The following ITPR2 variants were observed in gnomAD, a reference collection of about 807,000 sequenced individuals.
ITPR2 encodes inositol 1,4,5-trisphosphate-gated calcium channel ITPR2.
Under a neutral mutation model 317.1 loss-of-function variants are expected in ITPR2, and 207 were observed. The observed-to-expected ratio is 0.65, with a 90% CI of 0.58 to 0.73. The LOEUF (loss-of-function observed/expected upper bound fraction) is 0.73. Ranked by LOEUF, ITPR2 falls within the 30% of genes least tolerant of loss-of-function variation. The probability of loss-of-function intolerance (pLI) is 0.00; values close to 1 mark genes in which losing one functional copy is unlikely to be tolerated. For synonymous variants in ITPR2, 1,156 were observed against 1,149.1 expected (o/e 1.01, Z -0.12); for missense variants, 2,613 against 3,284.0 (o/e 0.80, Z 4.99).
At chr12:26,706,512 A>G (rs1032550119) in intron 9 of ITPR2, among the ~76,000 whole-genome samples, 4 of 152,074 alleles carry the variant, frequency 2.6e-5, no homozygotes, top group Admixed American at 1.3e-4. Context: ...AGCTGCCCTC[A>G]CTGTCTGAAC....
chr12:26,661,989 T>C (rs1947515535), intron 15 of ITPR2, among the ~76,000 whole-genome samples: 1 of 152,220 alleles, frequency 6.6e-6, no homozygotes, highest in Non-Finnish European at 1.5e-5. Context: ...TGACAGCATT[T>C]GGATCAGCAA....
chr12:26,605,188 GA>G (rs1946104468), intron 26 of ITPR2, among the ~76,000 whole-genome samples: 1 of 150,504 alleles, frequency 6.6e-6, no homozygotes, highest in South Asian at 2.1e-4. Flanking sequence ...ATGTAGAAGA[GA>G]AAACACAACC....
chr12:26,723,811 A>G (rs1375733574), intron 4 of ITPR2, among the ~76,000 whole-genome samples: 1 of 152,192 alleles, frequency 6.6e-6, no homozygotes, highest in Non-Finnish European at 1.5e-5. Flanking sequence ...CTTTATGAGC[A>G]CACATAGGAG....
At chr12:26,415,080 G>T (rs1244719889) in intron 51 of ITPR2, among the ~76,000 whole-genome samples, 1 of 152,142 alleles carries the variant, frequency 6.6e-6, no homozygotes. Context: ...AGACTGAGCT[G>T]GGATGGTGTT....
intron 14 of ITPR2, 54 bp downstream of exon 14, chr12:26,665,856 G>T: frequency 6.7e-7 from 1 of 1,496,850 alleles, no homozygotes; most frequent in South Asian, 1.2e-5. Flanking sequence ...GGCCTTTCCT[G>T]ATACTGTAAT....
intron 55 of ITPR2, among the ~76,000 whole-genome samples, chr12:26,354,110 C>T (rs1938561926): frequency 6.6e-6 from 1 of 152,044 alleles, no homozygotes; most frequent in African/African-American, 2.4e-5. Flanking sequence ...CCCGTCTCTA[C>T]TAAAAATACA....
chr12:26,601,892 C>T (rs1254685150), intron 28 of ITPR2, among the ~76,000 whole-genome samples: 4 of 152,156 alleles, frequency 2.6e-5, no homozygotes, highest in Non-Finnish European at 5.9e-5. Flanking sequence ...AGCATCACTC[C>T]GGTTATGTCC....
intron 2 of ITPR2, among the ~76,000 whole-genome samples, chr12:26,739,550 C>A (rs1223581447): frequency 6.6e-6 from 1 of 152,136 alleles, no homozygotes; most frequent in Admixed American, 6.5e-5. Flanking sequence ...AAGCCAGACA[C>A]AAAAGACTAC....
At chr12:26,568,010 A>ATATTATATATAT in intron 34 of ITPR2, among the ~76,000 whole-genome samples, 1 of 6,502 alleles carries the variant, frequency 1.5e-4, no homozygotes, top group East Asian at 8.0e-4. Context: ...TATATATTAT[A>ATATTATATATAT]TATATATATA....
chr12:26,608,379 C>T (rs989840111), intron 26 of ITPR2, among the ~76,000 whole-genome samples: 1 of 152,210 alleles, frequency 6.6e-6, no homozygotes, highest in Non-Finnish European at 1.5e-5. Context: ...ACATCAGGAA[C>T]CTAGTGAGGA....
At chr12:26,690,572 G>C (rs905587191) in intron 10 of ITPR2, among the ~76,000 whole-genome samples, 16 of 152,156 alleles carry the variant, frequency 1.1e-4, no homozygotes, top group Admixed American at 1.0e-3. Flanking sequence ...AGTTTATTTA[G>C]AAGGAGTTAA....
Position 26,494,276 on chromosome 12 carries a change from C to T in ITPR2, c.5247G>A (p.Leu1749=), listed in dbSNP as rs374932803. Reference sequence around the variant, plus strand: ...CAAGTTCTGATGCACCTTCTTTATCCAGCAGACACTGAATGTCTGACATTG... The same window carrying T: ...CAAGTTCTGATGCACCTTCTTTATCTAGCAGACACTGAATGTCTGACATTG... ...GISMSDIQCL[L]DKEGASELVI... The change falls in exon 39 of 57, where the codon CTG becomes CTA. Residue 1749 remains leucine (L), a synonymous_variant. Transcript: ENST00000381340. 2.7e-5 allele frequency: 44 copies of T among 1,613,234 alleles called. No individual in the cohort carries two copies. The South Asian group carries it at 3.6e-4, about 13-fold the overall frequency.
chr12:26,454,351 C>T lies in ITPR2; in HGVS notation c.6343-10701G>A, dbSNP rs1164049795. Among the ~76,000 whole-genome samples, 10 of 151,938 alleles carry T rather than the reference C, an allele frequency of 6.6e-5. No individual in the cohort carries two copies. The East Asian group carries it at 1.2e-3, about 18-fold the overall frequency. On this transcript the variant is annotated intron_variant, in intron 45 of 56. Transcript: ENST00000381340. Reference sequence around the variant, plus strand: ...TCCTGAGTAGCTGAGACTACAAGCACGCACCACCATGACCAGCTAATTTTT... The same window carrying T: ...TCCTGAGTAGCTGAGACTACAAGCATGCACCACCATGACCAGCTAATTTTT...
chr12:26,481,003 T>C lies in ITPR2; in HGVS notation c.6123+128A>G, dbSNP rs1565550825. On this transcript the variant is annotated intron_variant, in intron 43 of 56. Transcript: ENST00000381340. ...TGCATCTGGAGTTTAGTAAGCATTG[T>C]ACTTTCACTATCCCTTTCTGTCAAT... 4 of 522,240 alleles carry C rather than the reference T, an allele frequency of 7.7e-6. No individual in the cohort carries two copies. The South Asian group carries it at 9.3e-5, about 12-fold the overall frequency. 32.4% of individuals were successfully genotyped at this position (522,240 alleles called of 1,614,324 possible). A position where few individuals can be genotyped will look rare whatever the true frequency, so the allele number is the denominator to read the frequency against.
chr12:26,492,585 G>T (rs1942832634), intron 39 of ITPR2, among the ~76,000 whole-genome samples: 2 of 152,082 alleles, frequency 1.3e-5, no homozygotes, highest in African/African-American at 4.8e-5. Context: ...AGTCTGAATA[G>T]TATTCTGTCA....
intron 34 of ITPR2, among the ~76,000 whole-genome samples, chr12:26,566,775 C>T (rs891765137): frequency 1.3e-5 from 2 of 152,054 alleles, no homozygotes; most frequent in African/African-American, 4.8e-5. Context: ...TTCCCTTTCC[C>T]AAAGCATGCA....
rs1253414682 is a variant in ITPR2, at chr12:26,487,100, T to C, written c.5522A>G (p.Asn1841Ser). ...TCGTGGACCAGATGTCATCAATTCA[T>C]TGTCATCGTCCCTTTTTTTGTTACC... ...DLGNKKRDDD[N>S]ELMTSGPRMR... Residue 1841 changes from asparagine (N) to serine (S), a missense_variant, in exon 40 of 57, where the codon AAT becomes AGT. Physicochemically the swap from Asn to Ser is conservative, Grantham distance 46. Coordinates refer to ENST00000381340, the MANE Select transcript of ITPR2 (RefSeq NM_002223.4). 1 of 1,612,096 alleles carries C rather than the reference T, an allele frequency of 6.2e-7. No individual in the cohort carries two copies. The highest frequency in any genetic ancestry group is 8.5e-7 in the Non-Finnish European group (1 of 1,179,420).
At chr12:26,778,799 C>T (rs1950024485) in intron 2 of ITPR2, among the ~76,000 whole-genome samples, 1 of 152,196 alleles carries the variant, frequency 6.6e-6, no homozygotes, top group South Asian at 2.1e-4. Context: ...ATGAGAAATA[C>T]ATCCAATTAC....
intron 37 of ITPR2, among the ~76,000 whole-genome samples, chr12:26,549,535 T>C (rs755831414): frequency 5.9e-5 from 9 of 152,130 alleles, no homozygotes; most frequent in Non-Finnish European, 1.5e-5. Context: ...AGGAACATGG[T>C]ACAAATTTTG....
Sources: gnomAD v4.1 joint callset for allele counts (sites outside exome capture counted in the v4.1 genomes callset) on GRCh38, gnomAD v4.1.1 for gene constraint, MANE v1.5 for transcripts, NCBI Gene and HGNC (gene_info 2026-07-23, HGNC 2026-07-21) for gene names.